SMCHD1: variants seen among roughly 807,000 people sequenced by gnomAD.
The protein encoded by SMCHD1 is structural maintenance of chromosomes flexible hinge domain containing 1.
Under a neutral mutation model 254.7 loss-of-function variants are expected in SMCHD1, and 78 were observed. The ratio of observed to expected loss-of-function variants is 0.31; its 90% confidence interval spans 0.26 to 0.37. SMCHD1 has a LOEUF of 0.37. SMCHD1 is among the 10% of genes least tolerant of loss of function. The probability of loss-of-function intolerance (pLI) is 1.00; values close to 1 mark genes in which losing one functional copy is unlikely to be tolerated. For synonymous variants in SMCHD1, 766 were observed against 794.9 expected (o/e 0.96, Z 0.61); for missense variants, 1,840 against 2,408.1 (o/e 0.76, Z 4.94).
intron 34 of SMCHD1, among the ~76,000 whole-genome samples, chr18:2,759,662 C>G: frequency 6.8e-6 from 1 of 147,404 alleles, no homozygotes; most frequent in Non-Finnish European, 1.5e-5. Context: ...CTCTGCCTTC[C>G]GGGTTCAAGC....
At chr18:2,788,119 A>C (rs913626539) in intron 45 of SMCHD1, among the ~76,000 whole-genome samples, 3 of 152,182 alleles carry the variant, frequency 2.0e-5, no homozygotes, top group African/African-American at 7.2e-5. Context: ...TCATTCTCAG[A>C]GCAAAAGCAA....
intron 1 of SMCHD1, among the ~76,000 whole-genome samples, chr18:2,664,319 T>G (rs1335385897): frequency 6.6e-6 from 1 of 152,190 alleles, no homozygotes; most frequent in Non-Finnish European, 1.5e-5. Flanking sequence ...ATAGTTGGTT[T>G]GTTTAAATCA....
chr18:2,696,275 G>A (rs893029256), intron 8 of SMCHD1, among the ~76,000 whole-genome samples: 2 of 152,084 alleles, frequency 1.3e-5, no homozygotes, highest in African/African-American at 4.8e-5. Flanking sequence ...CCAACGCCCC[G>A]GTCGTGAACT....
chr18:2,706,254 C>T, intron 14 of SMCHD1, 110 bp from the exon 15 acceptor site: 1 of 682,298 alleles, frequency 1.5e-6, no homozygotes, highest in Non-Finnish European at 2.4e-6. Flanking sequence ...TATTTATGTA[C>T]TTAATTAGGA....
In SMCHD1 at chr18:2,698,025, T is replaced by G. The variant is rs199596161; in HGVS notation, c.1326T>G (p.Asp442Glu). The stretch of plus-strand genomic sequence containing the variant: ...ATGATAGAGAAACTTACCCTGATGA[T>G]CCATGCTTTCCATCAAGTATGTTAA... ...FLYDRETYPD[D>E]PCFPSKLKDE... The change falls in exon 10 of 48, where the codon GAT becomes GAG. Residue 442 changes from aspartate to glutamate, a missense_variant. Asp to Glu is a conservative substitution (Grantham distance 45). Transcript: ENST00000320876. 4.8e-5 allele frequency: 77 copies of G among 1,609,612 alleles called. No homozygotes were observed. The highest frequency in any genetic ancestry group is 6.4e-5 in the Non-Finnish European group (75 of 1,176,386).
chr18:2,745,763 TAA>T (rs1171781508), intron 29 of SMCHD1, among the ~76,000 whole-genome samples: 1 of 152,168 alleles, frequency 6.6e-6, no homozygotes, highest in Non-Finnish European at 1.5e-5. Flanking sequence ...AAATTTATTA[TAA>T]GAGTTATTTG....
intron 39 of SMCHD1, among the ~76,000 whole-genome samples, chr18:2,770,633 T>TG (rs1237650356): frequency 1.3e-5 from 2 of 151,980 alleles, no homozygotes; most frequent in African/African-American, 4.8e-5. Context: ...TTCTGTTTTT[T>TG]GTTTTTTTTT....
In SMCHD1 at chr18:2,723,012, G is replaced by A. The variant is rs954685173; in HGVS notation, c.2603+349G>A. On this transcript the variant is annotated intron_variant, in intron 20 of 47. Transcript: ENST00000320876. ...TGTCATCACTGTTTTCTCTTTTAGC[G>A]TTCTTAGTTATTGGATGTTGGACCT... 3.3e-5 allele frequency among the ~76,000 whole-genome samples: 5 copies of A among 152,148 alleles called. No individual in the cohort carries two copies. In the South Asian group the frequency reaches 6.2e-4, roughly 19 times the overall value.
At chr18:2,789,816 C>T (rs550787374) in intron 45 of SMCHD1, among the ~76,000 whole-genome samples, 43 of 152,274 alleles carry the variant, frequency 2.8e-4, no homozygotes, top group African/African-American at 1.0e-3. Context: ...AATAGAAATA[C>T]TTTTAAAATG....
chr18:2,657,602 G>A (rs2073110435), intron 1 of SMCHD1, among the ~76,000 whole-genome samples: 2 of 152,084 alleles, frequency 1.3e-5, no homozygotes, highest in Non-Finnish European at 2.9e-5. Flanking sequence ...ACTACTCTTA[G>A]CACCTGAGGT....
At chr18:2,759,852 G>A (rs1848757674) in intron 34 of SMCHD1, among the ~76,000 whole-genome samples, 1 of 152,120 alleles carries the variant, frequency 6.6e-6, no homozygotes, top group Non-Finnish European at 1.5e-5. Context: ...TTACAGGCAT[G>A]AGCCACTGCG....
intron 34 of SMCHD1, among the ~76,000 whole-genome samples, chr18:2,754,780 C>G (rs1306493186): frequency 6.6e-6 from 1 of 151,644 alleles, no homozygotes; most frequent in Non-Finnish European, 1.5e-5. Context: ...AAGGATAGCA[C>G]TTTAGGTTTG....
chr18:2,694,089 T>C (rs2074238778), intron 7 of SMCHD1, among the ~76,000 whole-genome samples: 1 of 152,188 alleles, frequency 6.6e-6, no homozygotes, highest in South Asian at 2.1e-4. Context: ...TGTTTGGGCT[T>C]AGCTAGCTGG....
chr18:2,673,065 T>TA, intron 3 of SMCHD1: 1 of 985,362 alleles, frequency 1.0e-6, no homozygotes, highest in Non-Finnish European at 1.2e-6. Flanking sequence ...ACTCATGCTG[T>TA]ATAGTGCCAT....
chr18:2,772,386 A>G lies in SMCHD1; in HGVS notation c.5175+14A>G. On this transcript the variant is annotated intron_variant, in intron 41 of 47. Coordinates refer to ENST00000320876, the MANE Select transcript of SMCHD1 (RefSeq NM_015295.3). ...GTTTTGGGAAAGGTTTGTGTTTATT[A>G]AGCCTTTTGAAAGGCAGTACATTTT... is the stretch of plus-strand genomic sequence containing the variant. 1.3e-6 allele frequency: 2 copies of G among 1,539,498 alleles called. No homozygotes were observed. Among genetic ancestry groups the G allele is most frequent in the Non-Finnish European group, 1.7e-6 (2 of 1,148,852 alleles).
chr18:2,794,227 G>T (rs558170514), intron 45 of SMCHD1, among the ~76,000 whole-genome samples: 1 of 152,286 alleles, frequency 6.6e-6, no homozygotes, highest in East Asian at 1.9e-4. Flanking sequence ...GCCCAAGATG[G>T]TTAGATCGCT....
At chr18:2,755,053 A>G (rs2075647144) in intron 34 of SMCHD1, among the ~76,000 whole-genome samples, 1 of 151,980 alleles carries the variant, frequency 6.6e-6, no homozygotes, top group African/African-American at 2.4e-5. Flanking sequence ...CTTATTTTAA[A>G]TAATTAATTA....
intron 17 of SMCHD1, 121 bp downstream of exon 17, chr18:2,708,041 G>T: frequency 1.9e-6 from 1 of 538,526 alleles, no homozygotes; most frequent in Non-Finnish European, 3.1e-6. Flanking sequence ...TTTTATTGAA[G>T]TTAGGAATTT....
intron 25 of SMCHD1, among the ~76,000 whole-genome samples, chr18:2,736,354 G>A (rs1282625586): frequency 1.3e-5 from 2 of 152,136 alleles, no homozygotes; most frequent in East Asian, 3.8e-4. Flanking sequence ...CCCTGGCAAA[G>A]AATTTATGAC....
Sources: allele counts gnomAD v4.1 joint callset (sites outside exome capture counted in the v4.1 genomes callset), GRCh38; gene constraint gnomAD v4.1.1; transcripts MANE v1.5; gene names NCBI Gene and HGNC (gene_info 2026-07-23, HGNC 2026-07-21).